NDST3: variants seen among roughly 807,000 people sequenced by gnomAD.
NDST3 encodes N-deacetylase and N-sulfotransferase 3.
A neutral mutation model predicts 96.1 loss-of-function variants in NDST3; 58 were observed. The ratio of observed to expected loss-of-function variants is 0.60; its 90% CI spans 0.49 to 0.75. The LOEUF (loss-of-function observed/expected upper bound fraction) is 0.75, where lower values mean the gene tolerates loss of function less well. NDST3 is among the 30% of genes least tolerant of loss of function. The pLI is 0.00. For synonymous variants in NDST3, 333 were observed against 359.7 expected, an observed-to-expected ratio of 0.93 and a Z score of 0.84; for missense variants, 788 against 1,034.2, an observed-to-expected ratio of 0.76 and a Z score of 3.27.
intron 6 of NDST3, among the ~76,000 whole-genome samples, chr4:118,200,344 C>T (rs186979363): frequency 6.6e-6 from 1 of 152,334 alleles, no homozygotes; most frequent in East Asian, 1.9e-4. Flanking sequence ...CTCAGGCCCA[C>T]AGGGAGTACT....
chr4:118,227,458 C>T (rs902847107), intron 8 of NDST3, among the ~76,000 whole-genome samples: 2 of 151,970 alleles, frequency 1.3e-5, no homozygotes, highest in Non-Finnish European at 2.9e-5. Flanking sequence ...TTTTAAAAGT[C>T]TAAAAGATAT....
intron 4 of NDST3, among the ~76,000 whole-genome samples, chr4:118,116,673 T>C (rs1255219566): frequency 6.6e-6 from 1 of 151,938 alleles, no homozygotes; most frequent in Non-Finnish European, 1.5e-5. Flanking sequence ...CTGGCTAACA[T>C]GGTGAAACCC....
rs1724443261 is a variant in NDST3 at position 118,041,164 on chromosome 4, G to T, written c.-156+6572G>T. On this transcript the variant is annotated intron_variant, in intron 1 of 13. Coordinates refer to ENST00000296499, the MANE Select transcript of NDST3 (RefSeq NM_004784.3). ...GCTGCCCAATATGCATTTCCTACTTGTTCCTAGCATGGAAGGATCGTGTTG... is the reference window on the plus strand; with the variant it reads ...GCTGCCCAATATGCATTTCCTACTTTTTCCTAGCATGGAAGGATCGTGTTG... Among the ~76,000 whole-genome samples the T allele has an allele frequency of 2.0e-5, 3 of 152,106 alleles. No homozygotes were observed. In the South Asian group the frequency reaches 6.2e-4, roughly 32 times the overall value.
intron 4 of NDST3, among the ~76,000 whole-genome samples, chr4:118,120,390 G>GCAAGA (rs1488778802): frequency 1.3e-5 from 2 of 152,126 alleles, no homozygotes; most frequent in African/African-American, 4.8e-5. Context: ...GAAAGGTAAG[G>GCAAGA]CAAGACAGGG....
intron 2 of NDST3, among the ~76,000 whole-genome samples, chr4:118,102,201 C>T (rs1729819443): frequency 6.6e-6 from 1 of 151,412 alleles, no homozygotes; most frequent in African/African-American, 2.4e-5. Context: ...TGTAAATTAC[C>T]TTCCTATATA....
intron 6 of NDST3, among the ~76,000 whole-genome samples, chr4:118,163,259 C>G (rs1452187663): frequency 6.6e-6 from 1 of 152,082 alleles, no homozygotes; most frequent in Non-Finnish European, 1.5e-5. Context: ...GGGTATATAC[C>G]CAAAGGACTA....
chr4:118,163,510 C>G (rs1735337520), intron 6 of NDST3, among the ~76,000 whole-genome samples: 1 of 151,812 alleles, frequency 6.6e-6, no homozygotes, highest in African/African-American at 2.4e-5. Flanking sequence ...AACAAAAAAC[C>G]AAACACCGCA....
chr4:118,167,732 A>T (rs1254948630), intron 6 of NDST3, among the ~76,000 whole-genome samples: 1 of 152,078 alleles, frequency 6.6e-6, no homozygotes, highest in Non-Finnish European at 1.5e-5. Context: ...AATGGAACAG[A>T]ATACAGAGCC....
At chr4:118,084,948 G>A (rs544905081) in intron 2 of NDST3, among the ~76,000 whole-genome samples, 15 of 152,124 alleles carry the variant, frequency 9.9e-5, no homozygotes, top group South Asian at 2.1e-4. Context: ...GTGAAACCCC[G>A]TCTCTACTAA....
intron 6 of NDST3, among the ~76,000 whole-genome samples, chr4:118,152,485 A>T (rs1734463475): frequency 6.6e-6 from 1 of 152,126 alleles, no homozygotes; most frequent in Admixed American, 6.6e-5. Context: ...TATTATTGAA[A>T]TTTTTCATTT....
At chr4:118,071,118 C>T (rs13135500) in intron 2 of NDST3, among the ~76,000 whole-genome samples, 114,369 of 151,948 alleles carry the variant, frequency 0.75, 45,709 homozygotes, top group South Asian at 0.92. Context: ...TTAATCCAGT[C>T]TATCATTGAT....
chr4:118,198,892 GC>G (rs1371046670), intron 6 of NDST3, among the ~76,000 whole-genome samples: 6 of 151,634 alleles, frequency 4.0e-5, no homozygotes, highest in Non-Finnish European at 8.8e-5. Flanking sequence ...CTCTCTCTTG[GC>G]CTGTAAGGTT....
chr4:118,174,323 G>C (rs991829118), intron 6 of NDST3, among the ~76,000 whole-genome samples: 1 of 152,060 alleles, frequency 6.6e-6, no homozygotes. Context: ...TAAAAAAGGA[G>C]CTCAAGCTTT....
intron 6 of NDST3, among the ~76,000 whole-genome samples, chr4:118,203,565 T>C (rs2892799): frequency 0.7 from 106,226 of 152,074 alleles, 40,297 homozygotes; most frequent in South Asian, 0.87. Flanking sequence ...GGAATTTACC[T>C]ACTTCCTCTA....
chr4:118,079,315 G>A (rs1345829539), intron 2 of NDST3, among the ~76,000 whole-genome samples: 1 of 152,240 alleles, frequency 6.6e-6, no homozygotes, highest in Non-Finnish European at 1.5e-5. Context: ...ATGCAGAGTG[G>A]TGGAATATGC....
At chr4:118,093,879 C>A (rs1286264618) in intron 2 of NDST3, among the ~76,000 whole-genome samples, 1 of 151,800 alleles carries the variant, frequency 6.6e-6, no homozygotes. Flanking sequence ...AAGGCACCAG[C>A]AGGTTCAGTG....
intron 6 of NDST3, among the ~76,000 whole-genome samples, chr4:118,167,697 T>G (rs1735651087): frequency 6.6e-6 from 1 of 152,018 alleles, no homozygotes; most frequent in Non-Finnish European, 1.5e-5. Flanking sequence ...AGTATGGTGA[T>G]GTTACAAAGA....
rs1725302138 is a variant in NDST3 at position 118,054,776 on chromosome 4, T to C, written c.866T>C (p.Ile289Thr). Reference sequence around the variant, plus strand: ...CACAAGCTCATCTTCATAGATGCCATCTCCTTCTTATCAGGGAAGAGGCTG... The same window carrying C: ...CACAAGCTCATCTTCATAGATGCCACCTCCTTCTTATCAGGGAAGAGGCTG... ...WLHKLIFIDAISFLSGKRLTL... is the reference protein window; with the variant it reads ...WLHKLIFIDATSFLSGKRLTL... The change falls in exon 2 of 14, where the codon ATC becomes ACC. Residue 289 changes from isoleucine to threonine, a missense_variant. By Grantham distance (89) the Ile-to-Thr change is moderately conservative. Coordinates refer to ENST00000296499, the MANE Select transcript of NDST3 (RefSeq NM_004784.3). The C allele has an allele frequency of 3.1e-6, 5 of 1,613,324 alleles. No individual in the cohort carries two copies. The highest frequency in any genetic ancestry group is 4.2e-6 in the Non-Finnish European group (5 of 1,179,438).
At chr4:118,198,185 C>T (rs137909799) in intron 6 of NDST3, among the ~76,000 whole-genome samples, 143 of 152,210 alleles carry the variant, frequency 9.4e-4, no homozygotes, top group African/African-American at 3.4e-3. Flanking sequence ...TAAGGACTTA[C>T]CCCTGCCATT....
Sources: allele counts gnomAD v4.1 joint callset (sites outside exome capture counted in the v4.1 genomes callset), GRCh38; gene constraint gnomAD v4.1.1; transcripts MANE v1.5; gene names NCBI Gene and HGNC (gene_info 2026-07-23, HGNC 2026-07-21).